SLC14A2: variants seen among roughly 807,000 people sequenced by gnomAD.
SLC14A2 encodes solute carrier family 14 member 2.
In SLC14A2, 91 loss-of-function variants were observed where a neutral mutation model predicts 104.6. The ratio of observed to expected loss-of-function variants is 0.87; its 90% confidence interval spans 0.73 to 1.04. The LOEUF is 1.04. Ranked by LOEUF, SLC14A2 falls within the 50% of genes least tolerant of loss-of-function variation. The pLI, the probability that SLC14A2 is intolerant of heterozygous loss-of-function variation, is 0.00. For synonymous variants in SLC14A2, 476 were observed against 466.4 expected, an observed-to-expected ratio of 1.02 and a Z score of -0.27; for missense variants, 1,189 against 1,156.0, an observed-to-expected ratio of 1.03 and a Z score of -0.41.
intron 1 of SLC14A2, among the ~76,000 whole-genome samples, chr18:45,292,495 A>T (rs1211145405): frequency 6.6e-6 from 1 of 152,190 alleles, no homozygotes; most frequent in Non-Finnish European, 1.5e-5. Context: ...GTATTAGTGG[A>T]GCCTTTTCAT....
intron 1 of SLC14A2, among the ~76,000 whole-genome samples, chr18:45,237,618 C>T (rs982492915): frequency 2.6e-5 from 4 of 152,198 alleles, no homozygotes; most frequent in African/African-American, 4.8e-5. Context: ...GGCTGGTTCC[C>T]ATCTAATTTT....
At chr18:45,282,614 C>G (rs1358672480) in intron 1 of SLC14A2, among the ~76,000 whole-genome samples, 3 of 152,180 alleles carry the variant, frequency 2.0e-5, no homozygotes, top group Non-Finnish European at 4.4e-5. Context: ...CCAGGCTTAT[C>G]TACCCTGGAG....
intron 1 of SLC14A2, among the ~76,000 whole-genome samples, chr18:45,263,266 A>T (rs549575942): frequency 5.3e-5 from 8 of 152,190 alleles, no homozygotes; most frequent in Non-Finnish European, 1.0e-4. Flanking sequence ...TCGTGATTGG[A>T]TTGTGGTTAT....
At chr18:45,404,815 C>T (rs1324927884) in intron 1 of SLC14A2, among the ~76,000 whole-genome samples, 5 of 152,196 alleles carry the variant, frequency 3.3e-5, no homozygotes, top group African/African-American at 1.2e-4. Flanking sequence ...GAAAGTACAA[C>T]TGGATTGGTG....
chr18:45,461,226 C>T (rs1350505894), intron 1 of SLC14A2, among the ~76,000 whole-genome samples: 1 of 152,178 alleles, frequency 6.6e-6, no homozygotes, highest in Non-Finnish European at 1.5e-5. Flanking sequence ...AAACCTAAGC[C>T]TACTAGAATC....
intron 1 of SLC14A2, among the ~76,000 whole-genome samples, chr18:45,439,899 T>A (rs2086655986): frequency 6.6e-6 from 1 of 152,214 alleles, no homozygotes; most frequent in Admixed American, 6.5e-5. Context: ...CCTTGGAGAC[T>A]CTATGCTTTT....
chr18:45,323,295 T>G (rs1423603552), intron 1 of SLC14A2, among the ~76,000 whole-genome samples: 1 of 152,242 alleles, frequency 6.6e-6, no homozygotes, highest in East Asian at 1.9e-4. Context: ...CAATGTCTCC[T>G]CTTTTTCCCA....
intron 1 of SLC14A2, among the ~76,000 whole-genome samples, chr18:45,473,849 T>C (rs1398509271): frequency 1.3e-5 from 2 of 152,206 alleles, no homozygotes; most frequent in African/African-American, 4.8e-5. Flanking sequence ...CTTCCTCTCT[T>C]CCTATTTGAA....
chr18:45,345,961 C>G (rs1568161082), intron 1 of SLC14A2, among the ~76,000 whole-genome samples: 1 of 152,164 alleles, frequency 6.6e-6, no homozygotes, highest in Non-Finnish European at 1.5e-5. Context: ...CAGTCTGTAT[C>G]CCTGTCAACA....
At chr18:45,650,816 T>C (rs1402578786) in intron 10 of SLC14A2, among the ~76,000 whole-genome samples, 1 of 152,168 alleles carries the variant, frequency 6.6e-6, no homozygotes, top group Non-Finnish European at 1.5e-5. Context: ...CTCGGCTCAC[T>C]GAAACCTCCA....
At chr18:45,329,567 G>A (rs935550730) in intron 1 of SLC14A2, among the ~76,000 whole-genome samples, 2 of 152,198 alleles carry the variant, frequency 1.3e-5, no homozygotes, top group Non-Finnish European at 2.9e-5. Flanking sequence ...AAGACTCAGT[G>A]GAGCAAGAAT....
chr18:45,307,398 AC>A (rs1325594079), intron 1 of SLC14A2, among the ~76,000 whole-genome samples: 1 of 146,808 alleles, frequency 6.8e-6, no homozygotes, highest in Non-Finnish European at 1.5e-5. Context: ...AGCCTGGGTG[AC>A]AGAGTGAGAC....
chr18:45,454,456 C>T (rs1270947446), intron 1 of SLC14A2, among the ~76,000 whole-genome samples: 1 of 152,118 alleles, frequency 6.6e-6, no homozygotes, highest in Non-Finnish European at 1.5e-5. Context: ...CTGTAGGTTG[C>T]CTGTTCACTC....
At chr18:45,527,457 G>C (rs1257910898) in intron 2 of SLC14A2, among the ~76,000 whole-genome samples, 1 of 152,192 alleles carries the variant, frequency 6.6e-6, no homozygotes, top group Non-Finnish European at 1.5e-5. Context: ...AAGAAGACAG[G>C]CTTCCCTTAA....
chr18:45,430,617 C>G (rs910367367), intron 1 of SLC14A2, among the ~76,000 whole-genome samples: 2 of 151,414 alleles, frequency 1.3e-5, no homozygotes, highest in African/African-American at 4.9e-5. Flanking sequence ...GCTCTATTTC[C>G]CAGGCTGGAG....
At chr18:45,676,218 T>C (rs2046227663) in intron 18 of SLC14A2, among the ~76,000 whole-genome samples, 1 of 152,200 alleles carries the variant, frequency 6.6e-6, no homozygotes, top group African/African-American at 2.4e-5. Context: ...CAAGGAGTCC[T>C]GAAGTTTTTA....
At chr18:45,656,960 TAAG>T (rs2045848028) in intron 10 of SLC14A2, among the ~76,000 whole-genome samples, 1 of 152,170 alleles carries the variant, frequency 6.6e-6, no homozygotes, top group Non-Finnish European at 1.5e-5. Flanking sequence ...GCTAATGGAT[TAAG>T]AAGTTGAGCC....
At chr18:45,195,676 C>A in the SLC14A2 span, among the ~76,000 whole-genome samples, 7 of 152,278 alleles carry the variant, frequency 4.6e-5, no homozygotes, top group Non-Finnish European at 1.0e-4. Flanking sequence ...AGGTGTGAGC[C>A]ACTGCGCCTG....
intron 4 of SLC14A2, among the ~76,000 whole-genome samples, chr18:45,629,026 G>A (rs1242608267): frequency 6.6e-6 from 1 of 152,202 alleles, no homozygotes; most frequent in African/African-American, 2.4e-5. Flanking sequence ...GTGGGTGGCA[G>A]GACTTAGGCT....
Sources: allele counts gnomAD v4.1 joint callset (sites outside exome capture counted in the v4.1 genomes callset), GRCh38; gene constraint gnomAD v4.1.1; transcripts MANE v1.5; gene names NCBI Gene and HGNC (gene_info 2026-07-23, HGNC 2026-07-21).